The following SLC9A7 variants were observed in gnomAD, a reference collection of about 807,000 sequenced individuals.
SLC9A7 encodes the protein sodium/hydrogen exchanger 7.
In SLC9A7, 19 loss-of-function variants were observed where a neutral mutation model predicts 52.6. That is an observed-to-expected ratio of 0.36 (90% CI 0.25 to 0.53). The LOEUF is 0.53. Among genes scored for constraint, SLC9A7 ranks in the 20% least tolerant of loss-of-function variants. SLC9A7 has a pLI of 0.91. For synonymous variants in SLC9A7, 226 were observed against 252.1 expected, an observed-to-expected ratio of 0.90 and a Z score of 0.98; for missense variants, 455 against 597.9, an observed-to-expected ratio of 0.76 and a Z score of 2.49.
chrX:46,673,454 T>C (rs1415065200), intron 3 of SLC9A7, among the ~76,000 whole-genome samples: 5 of 111,662 alleles, frequency 4.5e-5, no homozygotes, highest in Admixed American at 3.8e-4. Context: ...TGTGGGATAT[T>C]TTGACGGAGG....
At chrX:46,641,375 A>T (rs1312981559) in intron 12 of SLC9A7, among the ~76,000 whole-genome samples, 1 of 111,888 alleles carries the variant, frequency 8.9e-6, no homozygotes, top group African/African-American at 3.3e-5. Flanking sequence ...GGGGTGGGGG[A>T]GAAAAGGATT....
chrX:46,653,537 T>C (rs941647233), intron 8 of SLC9A7, 72 bp downstream of exon 8: 8 of 683,613 alleles, frequency 1.2e-5, no homozygotes, highest in African/African-American at 2.2e-5. Context: ...TAAGAATTCT[T>C]CCCTTCCTTC....
At chrX:46,648,870 G>C (rs766811791) in intron 10 of SLC9A7, 73 bp from the exon 11 acceptor site, 8 of 766,943 alleles carry the variant, frequency 1.0e-5, no homozygotes, top group Non-Finnish European at 1.2e-5. Flanking sequence ...CGGCTGAGCA[G>C]AGAATTTTAG....
chrX:46,653,934 G>C (rs1943627063), intron 7 of SLC9A7, among the ~76,000 whole-genome samples: 1 of 111,000 alleles, frequency 9.0e-6, no homozygotes, highest in African/African-American at 3.3e-5. Context: ...GGAAGAAACA[G>C]GGAGACATTG....
chrX:46,654,644 C>T (rs1602182580), intron 7 of SLC9A7, among the ~76,000 whole-genome samples: 1 of 110,354 alleles, frequency 9.1e-6, no homozygotes, highest in East Asian at 2.9e-4. Context: ...CCACCGAGGC[C>T]ACCTGAGTCC....
rs1602122758 is a variant in SLC9A7, at chrX:46,606,742, T to C, written c.*210A>G. 1 of 1,079,128 alleles carries C rather than the reference T, an allele frequency of 9.3e-7. No individual in the cohort carries two copies. The highest frequency in any genetic ancestry group is 1.2e-6 in the Non-Finnish European group (1 of 833,529). The allele number at this position is 1,079,128 out of a possible 1,213,427, so 88.9% of individuals were successfully genotyped here. On this transcript the variant is annotated 3_prime_UTR_variant, in exon 17 of 17. Coordinates refer to ENST00000616978, the MANE Select transcript of SLC9A7 (RefSeq NM_001257291.2). ...CACTACTATGTGAAAAAAGTGGGAATAGGTCTACGTTTGTCTGAATTTAGA... is the reference window on the plus strand; with the variant it reads ...CACTACTATGTGAAAAAAGTGGGAACAGGTCTACGTTTGTCTGAATTTAGA...
chrX:46,666,648 A>C (rs1368902802), intron 5 of SLC9A7, among the ~76,000 whole-genome samples: 1 of 112,209 alleles, frequency 8.9e-6, no homozygotes, highest in East Asian at 2.8e-4. Flanking sequence ...AATGCCTTCC[A>C]TTATTCTCTA....
At chrX:46,613,793 C>T (rs1349923669) in intron 15 of SLC9A7, among the ~76,000 whole-genome samples, 1 of 111,723 alleles carries the variant, frequency 9.0e-6, no homozygotes, top group Non-Finnish European at 1.9e-5. Context: ...GCCCCTGTGT[C>T]CCCTCTGCTC....
chrX:46,709,259 T>C (rs776168166), intron 1 of SLC9A7, among the ~76,000 whole-genome samples: 18 of 109,729 alleles, frequency 1.6e-4, no homozygotes, highest in Non-Finnish European at 2.3e-4. Context: ...ATACAAAAAT[T>C]AGCCTGCTGC....
At chrX:46,679,838 T>C (rs1371606203) in intron 2 of SLC9A7, 83 bp from the exon 3 acceptor site, 6 of 590,587 alleles carry the variant, frequency 1.0e-5, no homozygotes, top group South Asian at 6.0e-5. Flanking sequence ...TTTGAAGCCA[T>C]TGACTAAAGT....
rs1942753603 is a variant in SLC9A7 at position 46,606,911 on chromosome X, A to G, written c.*41T>C. The G allele has an allele frequency of 8.3e-7, 1 of 1,208,902 alleles. No individual in the cohort carries two copies. Among genetic ancestry groups the G allele is most frequent in the Non-Finnish European group, 1.1e-6 (1 of 893,796 alleles). ...TAGGGCTTGCAGCTGTCCTCACCCC[A>G]TCGGGAGCCTACCCCATCGCGCCAG... is the stretch of plus-strand genomic sequence containing the variant. On this transcript the variant is annotated 3_prime_UTR_variant, in exon 17 of 17. Coordinates refer to ENST00000616978, the MANE Select transcript of SLC9A7 (RefSeq NM_001257291.2).
At chrX:46,698,484 T>A (rs1237910094) in intron 1 of SLC9A7, among the ~76,000 whole-genome samples, 3 of 112,325 alleles carry the variant, frequency 2.7e-5, no homozygotes, top group Non-Finnish European at 5.6e-5. Flanking sequence ...TCAAAACATG[T>A]TGTACACAAT....
rs188380450 is a variant in SLC9A7, at chrX:46,661,981, T to C, written c.1041+35A>G. The stretch of plus-strand genomic sequence containing the variant: ...TTGAAAGTGTAATGCCACACACGCA[T>C]ACCCAGGCCCGAGCTGAAACTACAA... On this transcript the variant is annotated intron_variant, in intron 7 of 16. Coordinates refer to ENST00000616978, the MANE Select transcript of SLC9A7 (RefSeq NM_001257291.2). 99 of 1,146,423 alleles carry C rather than the reference T, an allele frequency of 8.6e-5. No homozygotes were observed. In the East Asian group the frequency reaches 2.3e-3, roughly 26 times the overall value. The allele number at this position is 1,146,423 out of a possible 1,213,427, so 94.5% of individuals were successfully genotyped here.
chrX:46,624,728 C>T (rs1311284970), intron 14 of SLC9A7, among the ~76,000 whole-genome samples: 1 of 112,245 alleles, frequency 8.9e-6, no homozygotes, highest in Non-Finnish European at 1.9e-5. Flanking sequence ...GAAAAAAACG[C>T]CTAGCCATTA....
intron 14 of SLC9A7, among the ~76,000 whole-genome samples, chrX:46,629,256 G>T (rs1229746419): frequency 2.7e-5 from 3 of 111,846 alleles, no homozygotes; most frequent in African/African-American, 9.8e-5. Flanking sequence ...AGCCCAAGGG[G>T]CCCTCTGGGA....
intron 10 of SLC9A7, among the ~76,000 whole-genome samples, chrX:46,649,440 G>GT (rs1943547921): frequency 8.9e-6 from 1 of 112,289 alleles, no homozygotes; most frequent in African/African-American, 3.2e-5. Context: ...TAGCTAAAAT[G>GT]TTTTTTGGAG....
intron 16 of SLC9A7, among the ~76,000 whole-genome samples, chrX:46,610,249 G>A (rs1942826842): frequency 8.9e-6 from 1 of 112,658 alleles, no homozygotes; most frequent in Non-Finnish European, 1.9e-5. Flanking sequence ...GGGGATGTGT[G>A]CATTTTAAAT....
intron 14 of SLC9A7, 102 bp from the exon 15 acceptor site, chrX:46,621,161 T>C (rs1943040520): frequency 1.3e-5 from 6 of 452,009 alleles, no homozygotes; most frequent in Non-Finnish European, 7.6e-6. Context: ...CTGGAGCTCA[T>C]AGTCAAACAT....
intron 11 of SLC9A7, 78 bp from the exon 12 acceptor site, chrX:46,643,467 G>A: frequency 9.9e-7 from 1 of 1,012,215 alleles, no homozygotes; most frequent in Non-Finnish European, 1.4e-6. Context: ...CTGCCATTTG[G>A]GGCTAATAAA....
Sources: allele counts gnomAD v4.1 joint callset (sites outside exome capture counted in the v4.1 genomes callset), GRCh38; gene constraint gnomAD v4.1.1; transcripts MANE v1.5; gene names NCBI Gene and HGNC (gene_info 2026-07-23, HGNC 2026-07-21).